MAP2K3: variants seen among roughly 807,000 people sequenced by gnomAD.
MAP2K3 encodes mitogen-activated protein kinase kinase 3.
Under a neutral mutation model 46.4 loss-of-function variants are expected in MAP2K3, and 30 were observed. The ratio of observed to expected loss-of-function variants is 0.65; its 90% CI spans 0.48 to 0.88. MAP2K3 has a LOEUF of 0.88. Ranked by LOEUF, MAP2K3 falls within the 40% of genes least tolerant of loss-of-function variation. MAP2K3 has a pLI of 0.00. For missense variants in MAP2K3, 380 were observed against 464.5 expected (o/e 0.82, Z 1.67); for synonymous variants, 189 against 176.3 (o/e 1.07, Z -0.57).
intron 3 of MAP2K3, among the ~76,000 whole-genome samples, chr17:21,299,329 A>G (rs933798379): frequency 1.1e-4 from 17 of 152,298 alleles, no homozygotes; most frequent in Admixed American, 1.1e-3. Flanking sequence ...TCGGAAGGGC[A>G]CTAGCCATTC....
chr17:21,315,050 G>A lies in MAP2K3; in HGVS notation c.*820G>A, dbSNP rs1977340207. ...ATCTCTGCTCAGAGAAGTGCAGGGG[G>A]AGCCTTCCAGCTCACTCTCCCTGAG... On this transcript the variant is annotated 3_prime_UTR_variant, in exon 12 of 12. Transcript: ENST00000342679. 1 of 152,566 alleles carries A rather than the reference G, an allele frequency of 6.6e-6. No homozygotes were observed. Among genetic ancestry groups the A allele is most frequent in the South Asian group, 2.1e-4 (1 of 4,830 alleles). 9.5% of individuals were successfully genotyped at this position (152,566 alleles called of 1,614,324 possible). A position where few individuals can be genotyped will look rare whatever the true frequency, so the allele number is the denominator to read the frequency against.
intron 1 of MAP2K3, chr17:21,295,768 A>G (rs1344344794): frequency 1.6e-6 from 2 of 1,289,600 alleles, no homozygotes; most frequent in Non-Finnish European, 2.0e-6. Context: ...TGCCCTTGAC[A>G]GGTGGGGAAA....
intron 1 of MAP2K3, among the ~76,000 whole-genome samples, chr17:21,294,289 G>A (rs1328455699): frequency 1.3e-5 from 2 of 152,306 alleles, no homozygotes; most frequent in Non-Finnish European, 2.9e-5. Context: ...GGACCTCCTG[G>A]AACATCCGGA....
At chr17:21,305,559 T>A (rs914352423) in intron 9 of MAP2K3, among the ~76,000 whole-genome samples, 9 of 152,276 alleles carry the variant, frequency 5.9e-5, no homozygotes, top group African/African-American at 2.2e-4. Flanking sequence ...GGGCTCTCAA[T>A]CCTGGGCCTG....
At chr17:21,304,173 G>C (rs978181871) in intron 7 of MAP2K3, among the ~76,000 whole-genome samples, 2 of 152,310 alleles carry the variant, frequency 1.3e-5, no homozygotes, top group African/African-American at 4.8e-5. Flanking sequence ...CTTCCTTGCA[G>C]TGGCCGGGCC....
intron 9 of MAP2K3, among the ~76,000 whole-genome samples, chr17:21,310,822 G>A (rs557596625): frequency 1.8e-4 from 27 of 152,348 alleles, no homozygotes; most frequent in African/African-American, 6.0e-4. Flanking sequence ...GCACATCTTC[G>A]TGTCTGGAGG....
chr17:21,296,756 G>A (rs28702934), intron 1 of MAP2K3, among the ~76,000 whole-genome samples: 530 of 152,158 alleles, frequency 3.5e-3, no homozygotes, highest in African/African-American at 0.012. Context: ...TGACAGACTC[G>A]CAGTGAGACC....
intron 1 of MAP2K3, among the ~76,000 whole-genome samples, chr17:21,293,425 T>C (rs1432007760): frequency 6.6e-6 from 1 of 152,312 alleles, no homozygotes; most frequent in Admixed American, 6.5e-5. Flanking sequence ...TGCTGGGCTG[T>C]TGGCATTGGG....
At chr17:21,285,174 C>A in intron 1 of MAP2K3, 1 of 914,396 alleles carries the variant, frequency 1.1e-6, no homozygotes, top group Non-Finnish European at 1.3e-6. Flanking sequence ...CTTGGGACTG[C>A]ACTCAGGCCC....
At position 21,303,366 on chromosome 17, in the gene MAP2K3, C is replaced by G; in HGVS notation, c.568+132C>G. The G allele has an allele frequency of 6.2e-6, 8 of 1,290,820 alleles. No individual in the cohort carries two copies. In the South Asian group the frequency reaches 1.1e-4, roughly 17 times the overall value. 80.0% of individuals were successfully genotyped at this position (1,290,820 alleles called of 1,614,324 possible). A position where few individuals can be genotyped will look rare whatever the true frequency, so the allele number is the denominator to read the frequency against. ...GGTTGTGACGTGCCCGATGGGGTTC[C>G]AGCCGCTTTCCACCTGCAGCCCTGC... On this transcript the variant is annotated intron_variant, in intron 7 of 11. Transcript: ENST00000342679.
Position 21,300,644 on chromosome 17 carries a change from A to G in MAP2K3, c.265A>G (p.Ile89Val), listed in dbSNP as rs1266125913. The change falls in exon 4 of 12, where the codon ATC becomes GTC. Residue 89 changes from isoleucine (I) to valine (V), a missense_variant. Physicochemically the swap from Ile to Val is conservative, Grantham distance 29 (BLOSUM62 3). Coordinates refer to ENST00000342679, the MANE Select transcript of MAP2K3 (RefSeq NM_145109.3). Reference protein sequence around the residue: ...EKVRHAQSGTIMAVKRIRATV... With the variant: ...EKVRHAQSGTVMAVKRIRATV... ...GGTGCGGCACGCCCAGAGCGGCACC[A>G]TCATGGCCGTGAAGGTGAGCAGGGC... 11 of 1,610,476 alleles carry G rather than the reference A, an allele frequency of 6.8e-6. No individual in the cohort carries two copies. The highest frequency in any genetic ancestry group is 7.6e-6 in the Non-Finnish European group (9 of 1,178,376).
chr17:21,298,549 T>G, intron 2 of MAP2K3, 70 bp downstream of exon 2: 1 of 1,613,036 alleles, frequency 6.2e-7, no homozygotes, highest in Non-Finnish European at 8.5e-7. Flanking sequence ...ATGGAAGGAG[T>G]GAGAGGCAGG....
At chr17:21,298,600 C>A in intron 2 of MAP2K3, 121 bp downstream of exon 2, 3 of 1,498,762 alleles carry the variant, frequency 2.0e-6, no homozygotes, top group Non-Finnish European at 2.8e-6. Flanking sequence ...CCTGGGCAGC[C>A]CCTGCTGTGC....
At chr17:21,295,831 G>A (rs1976214159) in intron 1 of MAP2K3, 2 of 1,289,688 alleles carry the variant, frequency 1.6e-6, no homozygotes, top group Non-Finnish European at 2.0e-6. Context: ...AAATCCCAAG[G>A]CATGAGGTGG....
At chr17:21,295,790 T>G (rs1209968060) in intron 1 of MAP2K3, 1 of 1,288,114 alleles carries the variant, frequency 7.8e-7, no homozygotes, top group Non-Finnish European at 1.0e-6. Context: ...TGAGGCTTGG[T>G]GAAGGGGGGG....
intron 1 of MAP2K3, among the ~76,000 whole-genome samples, chr17:21,290,792 A>T (rs1026563962): frequency 6.6e-5 from 10 of 152,300 alleles, no homozygotes; most frequent in African/African-American, 2.4e-4. Context: ...TCTACAAAAA[A>T]CATAAAAGAT....
intron 1 of MAP2K3, among the ~76,000 whole-genome samples, chr17:21,290,586 A>C (rs72840053): frequency 3.9e-5 from 6 of 152,306 alleles, no homozygotes; most frequent in African/African-American, 1.4e-4. Context: ...ACCAGACAGC[A>C]CTGAATTTGA....
At chr17:21,300,811 T>G in intron 4 of MAP2K3, 63 bp from the exon 5 acceptor site, 1 of 1,613,006 alleles carries the variant, frequency 6.2e-7, no homozygotes, top group South Asian at 1.1e-5. Flanking sequence ...CTGGCCCTCC[T>G]GTCATGAGTG....
chr17:21,299,011 GA>G, intron 3 of MAP2K3, 85 bp downstream of exon 3: 4 of 1,578,222 alleles, frequency 2.5e-6, no homozygotes, highest in Middle Eastern at 3.3e-4. Context: ...ACTTTGGGGG[GA>G]GGTGACTGAG....
Sources: allele counts gnomAD v4.1 joint callset (sites outside exome capture counted in the v4.1 genomes callset), GRCh38; gene constraint gnomAD v4.1.1; transcripts MANE v1.5; gene names NCBI Gene and HGNC (gene_info 2026-07-23, HGNC 2026-07-21).